Variants in TPO observed in about 807,000 individuals in gnomAD.
TPO encodes the protein thyroid peroxidase, also known as thyroid microsomal antigen.
In TPO, 78 loss-of-function variants were observed where a neutral mutation model predicts 96.9. The ratio of observed to expected loss-of-function variants is 0.81; its 90% CI spans 0.67 to 0.97. The LOEUF (loss-of-function observed/expected upper bound fraction) is 0.97. Among genes scored for constraint, TPO ranks in the 50% least tolerant of loss-of-function variants. TPO has a pLI of 0.00. For missense variants in TPO, 1,252 were observed against 1,274.8 expected (o/e 0.98, Z 0.27); for synonymous variants, 547 against 538.0 (o/e 1.02, Z -0.23).
At chr2:1,453,225 C>T (rs369899279) in intron 5 of TPO, among the ~76,000 whole-genome samples, 2 of 152,202 alleles carry the variant, frequency 1.3e-5, no homozygotes, top group East Asian at 1.9e-4. Context: ...CCCACAAGTT[C>T]GCCTGGACAA....
chr2:1,470,732 T>C (rs1401252350), intron 7 of TPO, among the ~76,000 whole-genome samples: 1 of 152,318 alleles, frequency 6.6e-6, no homozygotes, highest in East Asian at 1.9e-4. Context: ...TTTCCTCACA[T>C]ACTGTGTCTA....
Position 1,534,982 on chromosome 2 carries a change from C to A in TPO, c.2619-5612C>A, listed in dbSNP as rs1372099510. The stretch of plus-strand genomic sequence containing the variant: ...TGTGAGCAACCTCCTCAAATCCCCC[C>A]AGTGTGTGCAATTTCCCTAAATCGC... On this transcript the variant is annotated intron_variant, in intron 15 of 16. Transcript: ENST00000329066. Among the ~76,000 whole-genome samples the A allele has an allele frequency of 1.1e-4, 16 of 147,682 alleles. 5 individuals carry two copies. The highest frequency in any genetic ancestry group is 1.2e-4 in the Non-Finnish European group (8 of 67,278).
intron 15 of TPO, among the ~76,000 whole-genome samples, chr2:1,517,880 CA>C (rs1233286963): frequency 1.3e-5 from 2 of 152,214 alleles, no homozygotes; most frequent in African/African-American, 4.8e-5. Context: ...GGGCCATGCC[CA>C]GGATACCTGC....
At chr2:1,438,218 G>A (rs1400195073) in intron 5 of TPO, among the ~76,000 whole-genome samples, 1 of 151,908 alleles carries the variant, frequency 6.6e-6, no homozygotes, top group Non-Finnish European at 1.5e-5. Context: ...GTGGGGGCGG[G>A]GCTGCTCTCT....
intron 5 of TPO, among the ~76,000 whole-genome samples, chr2:1,452,359 C>T (rs545004720): frequency 6.6e-6 from 1 of 152,332 alleles, no homozygotes; most frequent in South Asian, 2.1e-4. Flanking sequence ...GCCAAGGGGC[C>T]ATGCACCCTG....
intron 15 of TPO, 27 bp from the exon 16 acceptor site, chr2:1,540,567 C>G (rs562701974): frequency 1.2e-6 from 2 of 1,611,680 alleles, no homozygotes; most frequent in African/African-American, 1.3e-5. Flanking sequence ...GACCCTCTCC[C>G]GATAACTGGA....
upstream of TPO, among the ~76,000 whole-genome samples, chr2:1,409,961 G>A (rs557867860): frequency 2.0e-5 from 3 of 147,458 alleles, no homozygotes; most frequent in Non-Finnish European, 4.5e-5. Flanking sequence ...TGGGGGGCAG[G>A]TGTGGTGGGG....
At chr2:1,459,979 A>T (rs1190124667) in intron 7 of TPO, among the ~76,000 whole-genome samples, 1 of 147,924 alleles carries the variant, frequency 6.8e-6, no homozygotes, top group African/African-American at 2.5e-5. Context: ...AGTCTTGCCC[A>T]GGCTGGAGTG....
intron 14 of TPO, among the ~76,000 whole-genome samples, chr2:1,516,305 C>A (rs975014219): frequency 5.3e-5 from 8 of 152,198 alleles, no homozygotes; most frequent in African/African-American, 1.9e-4. Context: ...TGATGAGACC[C>A]AGGATGAGCT....
intron 15 of TPO, among the ~76,000 whole-genome samples, chr2:1,523,012 T>TC (rs141494697): frequency 0.32 from 29,529 of 91,166 alleles, 4,808 homozygotes; most frequent in Middle Eastern, 0.39. Flanking sequence ...ACTCCCCAGA[T>TC]CCCCCCAACT....
intron 5 of TPO, among the ~76,000 whole-genome samples, chr2:1,446,138 C>T (rs890352153): frequency 2.6e-5 from 4 of 152,150 alleles, no homozygotes; most frequent in Non-Finnish European, 2.9e-5. Flanking sequence ...AGGTGCAGAT[C>T]GAGAACTGTA....
At chr2:1,530,941 C>G (rs1678009281) in intron 15 of TPO, among the ~76,000 whole-genome samples, 1 of 115,264 alleles carries the variant, frequency 8.7e-6, no homozygotes, top group Admixed American at 9.8e-5. Flanking sequence ...CCCCAAATCC[C>G]CCCACTATGT....
At chr2:1,385,422 C>G (rs933093175) in intron 1 of TPO, among the ~76,000 whole-genome samples, 1 of 152,088 alleles carries the variant, frequency 6.6e-6, no homozygotes, top group East Asian at 1.9e-4. Flanking sequence ...TCAACTTCAT[C>G]CTGGTTTAGT....
At chr2:1,490,910 G>A (rs565921697) in intron 10 of TPO, among the ~76,000 whole-genome samples, 9 of 152,306 alleles carry the variant, frequency 5.9e-5, no homozygotes, top group East Asian at 5.8e-4. Context: ...AGTGGCTCAC[G>A]CCTGTAATCC....
intron 7 of TPO, among the ~76,000 whole-genome samples, chr2:1,458,182 TATA>T (rs1668045841): frequency 6.9e-6 from 1 of 145,624 alleles, no homozygotes; most frequent in Non-Finnish European, 1.5e-5. Context: ...TAGGATATAA[TATA>T]GTGTGTGGGC....
chr2:1,521,664 C>T (rs916218745), intron 15 of TPO, among the ~76,000 whole-genome samples: 1 of 152,182 alleles, frequency 6.6e-6, no homozygotes, highest in Non-Finnish European at 1.5e-5. Context: ...GGGGGACAGA[C>T]GTAGAGTGGC....
At chr2:1,402,282 T>C (rs1662184101) in intron 1 of TPO, among the ~76,000 whole-genome samples, 1 of 152,084 alleles carries the variant, frequency 6.6e-6, no homozygotes, top group African/African-American at 2.4e-5. Flanking sequence ...TGGGGGCAGA[T>C]AGTGAAAGAG....
rs373867733 is a variant in TPO at position 1,488,011 on chromosome 2, T to C, written c.1768+20T>C. ...TGCCAGGTCTGCCAGTTCCTTCCCT[T>C]GCACACCTCATGCAGCTGCTGCGGG... On this transcript the variant is annotated intron_variant, in intron 10 of 16. Transcript: ENST00000329066. 3.7e-6 allele frequency: 6 copies of C among 1,612,090 alleles called. No individual in the cohort carries two copies. Among genetic ancestry groups the C allele is most frequent in the African/African-American group, 2.7e-5 (2 of 74,878 alleles).
chr2:1,542,798 T>A lies in TPO; in HGVS notation c.*324T>A. 3 of 568,394 alleles carry A rather than the reference T, an allele frequency of 5.3e-6. No individual in the cohort carries two copies. The highest frequency in any genetic ancestry group is 2.0e-5 in the South Asian group (1 of 50,926). The allele number at this position is 568,394 out of a possible 1,614,324, so 35.2% of individuals were successfully genotyped here. On this transcript the variant is annotated 3_prime_UTR_variant, in exon 17 of 17. Transcript: ENST00000329066. ...TCCTGTCTCCACCTTCTGGCATCTC[T>A]GATGCCGTGCTCGTCTGCACTCTGC...
Sources: allele counts gnomAD v4.1 joint callset (sites outside exome capture counted in the v4.1 genomes callset), GRCh38; gene constraint gnomAD v4.1.1; transcripts MANE v1.5; gene names NCBI Gene and HGNC (gene_info 2026-07-23, HGNC 2026-07-21).